The following NPAS2 variants were observed in gnomAD, a reference collection of about 807,000 sequenced individuals.
NPAS2 encodes the protein neuronal PAS domain protein 2, also known as neuronal PAS domain-containing protein 2.
Under a neutral mutation model 107.5 loss-of-function variants are expected in NPAS2, and 23 were observed. The ratio of observed to expected loss-of-function variants is 0.21; its 90% confidence interval spans 0.15 to 0.30. The LOEUF is 0.30. Among genes scored for constraint, NPAS2 ranks in the 10% least tolerant of loss-of-function variants. The pLI is 1.00. For missense variants in NPAS2, 756 were observed against 1,043.3 expected, an observed-to-expected ratio of 0.72 and a Z score of 3.79; for synonymous variants, 403 against 417.5, an observed-to-expected ratio of 0.97 and a Z score of 0.42.
intron 1 of NPAS2, among the ~76,000 whole-genome samples, chr2:100,873,331 CACACACACACAT>C (rs1284668662): frequency 2.2e-5 from 3 of 133,750 alleles, no homozygotes; most frequent in East Asian, 2.2e-4. Context: ...CACACACACA[CACACACACACAT>C]ATATACATAC....
At chr2:100,979,573 G>A (rs538998033) in intron 15 of NPAS2, among the ~76,000 whole-genome samples, 2 of 133,764 alleles carry the variant, frequency 1.5e-5, no homozygotes, top group South Asian at 2.3e-4. Flanking sequence ...GAGTGCAATG[G>A]CACCATCTTG....
At position 100,990,450 on chromosome 2, in the gene NPAS2, C is replaced by T. The variant is rs775150277; in HGVS notation, c.2018+4C>T. On this transcript the variant is annotated splice_donor_region_variant and intron_variant, in intron 18 of 20. Transcript: ENST00000335681. The stretch of plus-strand genomic sequence containing the variant: ...TCAGCCATGATCGGCAGCTCAGGTA[C>T]GAGACTGCCCTTGTTTAAAGGATAA... The T allele has an allele frequency of 7.4e-6, 12 of 1,613,842 alleles. No individual in the cohort carries two copies. Among genetic ancestry groups the T allele is most frequent in the East Asian group, 6.7e-5 (3 of 44,892 alleles).
intron 2 of NPAS2, among the ~76,000 whole-genome samples, chr2:100,912,173 G>A (rs543088664): frequency 6.6e-6 from 1 of 152,138 alleles, no homozygotes; most frequent in East Asian, 1.9e-4. Context: ...GGAAGAATAA[G>A]GCCTAGTCCT....
At chr2:100,956,003 CAA>C (rs1675546837) in intron 7 of NPAS2, among the ~76,000 whole-genome samples, 1 of 152,138 alleles carries the variant, frequency 6.6e-6, no homozygotes, top group Admixed American at 6.6e-5. Flanking sequence ...CTCCTGGGCT[CAA>C]GAGATCCTCC....
At chr2:100,877,363 G>T (rs1190091363) in intron 1 of NPAS2, among the ~76,000 whole-genome samples, 1 of 149,284 alleles carries the variant, frequency 6.7e-6, no homozygotes, top group African/African-American at 2.5e-5. Flanking sequence ...TACTCTGGAG[G>T]CTGAGGCAGA....
chr2:100,850,875 C>T (rs989051650), intron 1 of NPAS2, among the ~76,000 whole-genome samples: 6 of 143,746 alleles, frequency 4.2e-5, no homozygotes, highest in Non-Finnish European at 7.4e-5. Context: ...ATCACTTGAA[C>T]CCAGGAGGTG....
intron 1 of NPAS2, among the ~76,000 whole-genome samples, chr2:100,844,637 C>G (rs13019460): frequency 0.24 from 37,069 of 151,954 alleles, 4,859 homozygotes; most frequent in East Asian, 0.43. Context: ...TATGTCGCCA[C>G]ATGAATATAG....
At chr2:100,986,675 T>C (rs994362547) in intron 16 of NPAS2, 8 of 152,222 alleles carry the variant, frequency 5.3e-5, no homozygotes, top group Non-Finnish European at 1.0e-4. Context: ...AAGTTGTCTT[T>C]CTTAAAACTT....
intron 1 of NPAS2, among the ~76,000 whole-genome samples, chr2:100,838,957 G>C (rs1163971420): frequency 6.6e-6 from 1 of 152,032 alleles, no homozygotes; most frequent in African/African-American, 2.4e-5. Context: ...CTTATATGCA[G>C]CTTTACTTTC....
chr2:100,979,289 A>G lies in NPAS2; in HGVS notation c.1482+1490A>G, dbSNP rs568790222. On this transcript the variant is annotated intron_variant, in intron 15 of 20. Transcript: ENST00000335681. ...TTTTCTCTTTAAATTTCCAAGGCCTATTTGGTAAGAAATTAGTAACCTTTT... is the reference window on the plus strand; with the variant it reads ...TTTTCTCTTTAAATTTCCAAGGCCTGTTTGGTAAGAAATTAGTAACCTTTT... Among the ~76,000 whole-genome samples, 17 of 152,010 alleles carry G rather than the reference A, an allele frequency of 1.1e-4. No homozygotes were observed. The South Asian group carries it at 3.3e-3, about 30-fold the overall frequency.
In NPAS2 at chr2:100,825,271, G is replaced by A. The variant is rs144497428; in HGVS notation, c.-23+4857G>A. Among the ~76,000 whole-genome samples, 439 of 152,206 alleles carry A rather than the reference G, an allele frequency of 2.9e-3. 1 individual carries two copies. Among genetic ancestry groups the A allele is most frequent in the African/African-American group, 0.01 (420 of 41,514 alleles). ...GCCCCTTGGTGATAAAATATTAAGA[G>A]CTCGAGGTCATCTGAAAATTATTGG... On this transcript the variant is annotated intron_variant, in intron 1 of 20. Coordinates refer to ENST00000335681, the MANE Select transcript of NPAS2 (RefSeq NM_002518.4).
chr2:100,990,632 G>A lies in NPAS2; in HGVS notation c.2019-148G>A, dbSNP rs1050063737. 1.4e-4 allele frequency: 138 copies of A among 960,132 alleles called. 1 individual carries two copies. The highest frequency in any genetic ancestry group is 2.1e-4 in the Middle Eastern group (1 of 4,748). 59.5% of individuals were successfully genotyped at this position (960,132 alleles called of 1,614,324 possible). On this transcript the variant is annotated intron_variant, in intron 18 of 20. Transcript: ENST00000335681. Reference sequence around the variant, plus strand: ...AGGTCCAGGGGAGGTTACCCGCTGCGTCCATCATCCTCAGAGAATGAAGCC... The same window carrying A: ...AGGTCCAGGGGAGGTTACCCGCTGCATCCATCATCCTCAGAGAATGAAGCC...
intron 20 of NPAS2, 187 bp from the exon 21 acceptor site, chr2:100,995,213 G>A (rs1246048138): frequency 2.0e-6 from 1 of 509,974 alleles, no homozygotes; most frequent in African/African-American, 1.9e-5. Flanking sequence ...TCACCCTAAG[G>A]TTCCCTTAGT....
At chr2:100,881,085 C>T (rs1274955921) in intron 1 of NPAS2, among the ~76,000 whole-genome samples, 3 of 152,144 alleles carry the variant, frequency 2.0e-5, no homozygotes, top group East Asian at 1.9e-4. Context: ...GGGATGCTGA[C>T]GCTGTTGGCC....
chr2:100,905,502 G>A lies in NPAS2; in HGVS notation c.32+716G>A, dbSNP rs1199735674. On this transcript the variant is annotated intron_variant, in intron 2 of 20. Coordinates refer to ENST00000335681, the MANE Select transcript of NPAS2 (RefSeq NM_002518.4). ...CATCAGTTTCACACGATTCACCCAA[G>A]TCGGCAGTTACTGTGCCATGCTCTG... Among the ~76,000 whole-genome samples the A allele has an allele frequency of 2.6e-5, 4 of 151,954 alleles. No homozygotes were observed. The South Asian group carries it at 8.3e-4, about 32-fold the overall frequency.
chr2:100,990,139 T>C (rs1678025877), intron 17 of NPAS2, 117 bp from the exon 18 acceptor site: 1 of 849,482 alleles, frequency 1.2e-6, no homozygotes, highest in African/African-American at 1.7e-5. Context: ...AGTTGGGAGG[T>C]TCTGATTTAG....
intron 2 of NPAS2, among the ~76,000 whole-genome samples, chr2:100,918,068 T>TTATA (rs140489215): frequency 0.68 from 102,180 of 149,180 alleles, 35,111 homozygotes; most frequent in Admixed American, 0.77. Flanking sequence ...CTATATATAT[T>TTATA]TATATATATT....
intron 1 of NPAS2, among the ~76,000 whole-genome samples, chr2:100,828,694 T>G (rs149233238): frequency 2.0e-5 from 3 of 152,362 alleles, no homozygotes; most frequent in Non-Finnish European, 2.9e-5. Context: ...TTGTTGATGC[T>G]CAGATGGCTG....
intron 1 of NPAS2, among the ~76,000 whole-genome samples, chr2:100,875,953 A>G (rs1260971969): frequency 6.6e-6 from 1 of 152,228 alleles, no homozygotes; most frequent in African/African-American, 2.4e-5. Context: ...AACCGTGTGA[A>G]GTGCTCAGAG....
Sources: gnomAD v4.1 joint callset for allele counts (sites outside exome capture counted in the v4.1 genomes callset) on GRCh38, gnomAD v4.1.1 for gene constraint, MANE v1.5 for transcripts, NCBI Gene and HGNC (gene_info 2026-07-23, HGNC 2026-07-21) for gene names.